Variants in DLGAP2 observed in about 807,000 individuals in gnomAD.
DLGAP2 encodes DLG associated protein 2, also known as disks large-associated protein 2.
Under a neutral mutation model 100.3 loss-of-function variants are expected in DLGAP2, and 26 were observed. That is an observed-to-expected ratio of 0.26 (90% confidence interval 0.19 to 0.36). The LOEUF (loss-of-function observed/expected upper bound fraction) is 0.36. DLGAP2 is among the 10% of genes least tolerant of loss of function. DLGAP2 has a pLI of 1.00. For synonymous variants in DLGAP2, 886 were observed against 630.1 expected, an observed-to-expected ratio of 1.41 and a Z score of -6.08; for missense variants, 1,858 against 1,453.2, an observed-to-expected ratio of 1.28 and a Z score of -4.53.
chr8:1,392,568 A>C (rs1796389923), intron 3 of DLGAP2, among the ~76,000 whole-genome samples: 1 of 152,238 alleles, frequency 6.6e-6, no homozygotes, highest in Non-Finnish European at 1.5e-5. Flanking sequence ...GAAAAGGCCC[A>C]AAATAGACTC....
At chr8:1,158,685 C>G (rs1287620015) in intron 2 of DLGAP2, among the ~76,000 whole-genome samples, 1 of 152,228 alleles carries the variant, frequency 6.6e-6, no homozygotes, top group Admixed American at 6.5e-5. Flanking sequence ...TGAGTGACGC[C>G]GTCCACGGCA....
rs1001507767 is a variant in DLGAP2, at chr8:867,060, C to A, written c.19-40852C>A. On this transcript the variant is annotated intron_variant, in intron 1 of 14. Coordinates refer to ENST00000637795, the MANE Select transcript of DLGAP2 (RefSeq NM_001346810.2). Reference sequence around the variant, plus strand: ...GGTTTCCGCCGTTCTGTGCTGTTCACCTGTCAGCTGTCTAACCCGGTACCA... The same window carrying A: ...GGTTTCCGCCGTTCTGTGCTGTTCAACTGTCAGCTGTCTAACCCGGTACCA... Among the ~76,000 whole-genome samples the A allele has an allele frequency of 2.1e-4, 32 of 152,334 alleles. 1 individual carries two copies. Among genetic ancestry groups the A allele is most frequent in the Admixed American group, 1.8e-3 (27 of 15,308 alleles).
intron 1 of DLGAP2, among the ~76,000 whole-genome samples, chr8:790,976 C>G (rs538799553): frequency 5.9e-5 from 9 of 152,282 alleles, no homozygotes; most frequent in African/African-American, 1.9e-4. Flanking sequence ...CCCCTGACTT[C>G]AAATGATGCA....
chr8:1,589,062 G>A (rs544252464), intron 6 of DLGAP2, among the ~76,000 whole-genome samples: 1 of 152,276 alleles, frequency 6.6e-6, no homozygotes, highest in Non-Finnish European at 1.5e-5. Context: ...ATCACACACA[G>A]CAATGAAAAC....
At chr8:1,223,907 A>G (rs1798365210) in intron 2 of DLGAP2, among the ~76,000 whole-genome samples, 1 of 152,234 alleles carries the variant, frequency 6.6e-6, no homozygotes, top group Non-Finnish European at 1.5e-5. Flanking sequence ...GATGGAGAAA[A>G]ACAGAAGACA....
At chr8:1,030,380 A>T (rs560482048) in intron 2 of DLGAP2, among the ~76,000 whole-genome samples, 2 of 152,254 alleles carry the variant, frequency 1.3e-5, no homozygotes, top group South Asian at 2.1e-4. Flanking sequence ...AGATTTCTTC[A>T]TCAAACATAC....
chr8:952,519 C>A lies in DLGAP2; in HGVS notation c.73+44553C>A, dbSNP rs552030031. 3.3e-5 allele frequency among the ~76,000 whole-genome samples: 5 copies of A among 152,100 alleles called. No individual in the cohort carries two copies. The East Asian group carries it at 9.7e-4, about 29-fold the overall frequency. On this transcript the variant is annotated intron_variant, in intron 2 of 14. Coordinates refer to ENST00000637795, the MANE Select transcript of DLGAP2 (RefSeq NM_001346810.2). ...GGGTGTAGTGGTGGGCGTCTATAATCCCAACTACTCAGGAGGCTGAGGTGG... is the reference window on the plus strand; with the variant it reads ...GGGTGTAGTGGTGGGCGTCTATAATACCAACTACTCAGGAGGCTGAGGTGG...
At chr8:1,074,979 T>G (rs1383217347) in intron 2 of DLGAP2, among the ~76,000 whole-genome samples, 1 of 149,462 alleles carries the variant, frequency 6.7e-6, no homozygotes, top group African/African-American at 2.5e-5. Context: ...CAGGGAGTGG[T>G]GACCATGTCT....
intron 3 of DLGAP2, among the ~76,000 whole-genome samples, chr8:1,313,200 G>C (rs991333998): frequency 5.3e-5 from 8 of 152,182 alleles, no homozygotes; most frequent in African/African-American, 1.9e-4. Flanking sequence ...AAACCCAGTA[G>C]CAAAAGTTGT....
chr8:1,429,742 C>T (rs535392132), intron 3 of DLGAP2, among the ~76,000 whole-genome samples: 4 of 151,668 alleles, frequency 2.6e-5, no homozygotes, highest in Admixed American at 1.3e-4. Context: ...CAGCTTCAAT[C>T]CCAGTGCTTT....
intron 2 of DLGAP2, among the ~76,000 whole-genome samples, chr8:923,545 G>A (rs1479573582): frequency 1.3e-5 from 2 of 152,198 alleles, no homozygotes; most frequent in Admixed American, 1.3e-4. Context: ...TAACTAGTTA[G>A]GATATTCGCT....
chr8:788,862 C>T (rs909464012), intron 1 of DLGAP2, among the ~76,000 whole-genome samples: 1 of 152,158 alleles, frequency 6.6e-6, no homozygotes, highest in African/African-American at 2.4e-5. Context: ...TTTTGTTATG[C>T]TTCCACTGCT....
At chr8:1,645,819 C>G (rs532034412) in intron 8 of DLGAP2, among the ~76,000 whole-genome samples, 4 of 152,192 alleles carry the variant, frequency 2.6e-5, no homozygotes, top group African/African-American at 7.2e-5. Context: ...ATAGGTATTC[C>G]TAGATCCCAG....
At chr8:1,182,926 C>T (rs879591773) in intron 2 of DLGAP2, among the ~76,000 whole-genome samples, 4 of 152,080 alleles carry the variant, frequency 2.6e-5, no homozygotes, top group Admixed American at 6.5e-5. Flanking sequence ...CACAGCCCTG[C>T]GGTGGCATGG....
intron 3 of DLGAP2, among the ~76,000 whole-genome samples, chr8:1,292,424 G>T (rs545902514): frequency 4.3e-4 from 65 of 152,328 alleles, no homozygotes; most frequent in Non-Finnish European, 1.9e-4. Context: ...GGATGGGACA[G>T]TGCGCTGTCT....
rs150795166 is a variant in DLGAP2 at position 739,158 on chromosome 8, G to A, written c.18+1333G>A. On this transcript the variant is annotated intron_variant, in intron 1 of 14. Coordinates refer to ENST00000637795, the MANE Select transcript of DLGAP2 (RefSeq NM_001346810.2). ...ACTCGGCCAGCCCGGGCTGTGGGGG[G>A]TTTGGGAACTGTAAATATTCTCCAA... The A allele has an allele frequency of 9.7e-4, 148 of 152,498 alleles. 1 individual carries two copies. In the East Asian group the frequency reaches 0.023, roughly 24 times the overall value. The allele number at this position is 152,498 out of a possible 1,614,324, so 9.4% of individuals were successfully genotyped here.
chr8:1,542,640 G>A (rs368378197), intron 4 of DLGAP2, among the ~76,000 whole-genome samples: 17 of 152,162 alleles, frequency 1.1e-4, no homozygotes, highest in African/African-American at 3.9e-4. Context: ...CCATTCATCC[G>A]TCGGGCAGCA....
chr8:802,745 A>G (rs936562697), intron 1 of DLGAP2, among the ~76,000 whole-genome samples: 2 of 152,100 alleles, frequency 1.3e-5, no homozygotes, highest in African/African-American at 4.8e-5. Flanking sequence ...GGTCTCTCAG[A>G]CGGTCACACA....
chr8:1,422,114 A>G (rs1797104873), intron 3 of DLGAP2, among the ~76,000 whole-genome samples: 1 of 152,180 alleles, frequency 6.6e-6, no homozygotes, highest in African/African-American at 2.4e-5. Flanking sequence ...GCACCTGGAC[A>G]AGGTGTGTAG....
Sources: allele counts gnomAD v4.1 joint callset (sites outside exome capture counted in the v4.1 genomes callset), GRCh38; gene constraint gnomAD v4.1.1; transcripts MANE v1.5; gene names NCBI Gene and HGNC (gene_info 2026-07-23, HGNC 2026-07-21).